SCFD2: variants seen among roughly 807,000 people sequenced by gnomAD.
SCFD2 encodes sec1 family domain containing 2.
In SCFD2, 54 loss-of-function variants were observed where a neutral mutation model predicts 58.9. The observed-to-expected ratio is 0.92, with a 90% CI of 0.74 to 1.15. The LOEUF is 1.15. SCFD2 is among the 50% of genes most tolerant of loss of function. The pLI is 0.00. For missense variants in SCFD2, 805 were observed against 836.6 expected (o/e 0.96, Z 0.47); for synonymous variants, 321 against 335.9 (o/e 0.96, Z 0.49).
intron 4 of SCFD2, among the ~76,000 whole-genome samples, chr4:53,257,058 A>G (rs936717166): frequency 5.3e-5 from 8 of 152,096 alleles, no homozygotes; most frequent in African/African-American, 1.9e-4. Flanking sequence ...CCATGACACG[A>G]GTTTCTCTAT....
In SCFD2 at chr4:53,266,821, G is replaced by T. The variant is rs1447224617; in HGVS notation, c.1311+7005C>A. The stretch of plus-strand genomic sequence containing the variant: ...ATAAGAGAGAGAAAAAAGGAGTCAT[G>T]AAGATGCTTTATCTCCTTCGGCTTT... On this transcript the variant is annotated intron_variant, in intron 4 of 8. Transcript: ENST00000401642. Among the ~76,000 whole-genome samples, 6 of 152,236 alleles carry T rather than the reference G, an allele frequency of 3.9e-5. No homozygotes were observed. The East Asian group carries it at 1.2e-3, about 29-fold the overall frequency.
In SCFD2 at chr4:53,284,156, A is replaced by G. The variant is rs115885178; in HGVS notation, c.1136-10155T>C. Among the ~76,000 whole-genome samples, 1,273 of 150,520 alleles carry G rather than the reference A, an allele frequency of 8.5e-3. 12 individuals carry two copies. The highest frequency in any genetic ancestry group is 0.03 in the African/African-American group (1,211 of 40,268). On this transcript the variant is annotated intron_variant, in intron 3 of 8. Transcript: ENST00000401642. Reference sequence around the variant, plus strand: ...AAAAATGCATGTAATGAAGCATTACATGCATAATGTAATGTATGATTGATA... The same window carrying G: ...AAAAATGCATGTAATGAAGCATTACGTGCATAATGTAATGTATGATTGATA...
At chr4:53,034,691 G>C (rs1270134547) in intron 5 of SCFD2, among the ~76,000 whole-genome samples, 6 of 152,112 alleles carry the variant, frequency 3.9e-5, no homozygotes, top group Non-Finnish European at 8.8e-5. Context: ...CAGACAAACA[G>C]AGAGCCAAAT....
chr4:52,885,191 G>A (rs2109446628), intron 8 of SCFD2, among the ~76,000 whole-genome samples: 1 of 152,238 alleles, frequency 6.6e-6, no homozygotes, highest in South Asian at 2.1e-4. Context: ...ACACTCCTCT[G>A]GCCCCGCCCT....
chr4:52,930,262 G>A (rs1236142718), intron 5 of SCFD2, among the ~76,000 whole-genome samples: 2 of 152,118 alleles, frequency 1.3e-5, no homozygotes, highest in African/African-American at 4.8e-5. Context: ...ATAGGGAAAG[G>A]ATTCCCTATT....
intron 8 of SCFD2, among the ~76,000 whole-genome samples, chr4:52,874,653 C>T (rs988540634): frequency 1.3e-5 from 2 of 152,158 alleles, no homozygotes; most frequent in African/African-American, 2.4e-5. Context: ...CTAAGGGCTG[C>T]GAGGGAATCT....
intron 5 of SCFD2, among the ~76,000 whole-genome samples, chr4:53,106,268 C>A (rs901659574): frequency 2.0e-5 from 3 of 152,174 alleles, no homozygotes; most frequent in Non-Finnish European, 4.4e-5. Flanking sequence ...TGAGGAAAAA[C>A]CAGCACAAAA....
At chr4:53,081,024 C>A (rs1027712081) in intron 5 of SCFD2, among the ~76,000 whole-genome samples, 13 of 152,226 alleles carry the variant, frequency 8.5e-5, no homozygotes, top group African/African-American at 2.6e-4. Flanking sequence ...ACTTCAAGAA[C>A]TATCCAGTAT....
chr4:53,090,008 A>G (rs1468918709), intron 5 of SCFD2, among the ~76,000 whole-genome samples: 2 of 152,206 alleles, frequency 1.3e-5, no homozygotes, highest in African/African-American at 2.4e-5. Flanking sequence ...GCTACAAAAG[A>G]CAGAACTTTG....
At chr4:53,339,625 C>G in intron 2 of SCFD2, among the ~76,000 whole-genome samples, 1 of 151,940 alleles carries the variant, frequency 6.6e-6, no homozygotes, top group East Asian at 1.9e-4. Context: ...TAAAAGTTAG[C>G]CAGGCATGGT....
At chr4:53,227,634 T>A (rs1256259644) in intron 4 of SCFD2, among the ~76,000 whole-genome samples, 1 of 152,188 alleles carries the variant, frequency 6.6e-6, no homozygotes, top group African/African-American at 2.4e-5. Context: ...CTGGGAAGTC[T>A]AAACCCTTTA....
chr4:52,973,836 C>T (rs889725794), intron 5 of SCFD2, among the ~76,000 whole-genome samples: 2 of 152,338 alleles, frequency 1.3e-5, no homozygotes, highest in South Asian at 4.2e-4. Flanking sequence ...AAGTGGGCTT[C>T]ATCCATGGGA....
chr4:52,954,092 C>G (rs920455452), intron 5 of SCFD2, among the ~76,000 whole-genome samples: 2 of 152,188 alleles, frequency 1.3e-5, no homozygotes, highest in Non-Finnish European at 2.9e-5. Context: ...TCACAGGCAG[C>G]ACAGGGAGCA....
chr4:53,342,383 G>A (rs1465822097), intron 2 of SCFD2, among the ~76,000 whole-genome samples: 1 of 152,048 alleles, frequency 6.6e-6, no homozygotes, highest in African/African-American at 2.4e-5. Context: ...AATGATAAAG[G>A]GATCAATGCA....
intron 4 of SCFD2, among the ~76,000 whole-genome samples, chr4:53,214,724 G>C (rs1028662501): frequency 3.3e-5 from 5 of 152,096 alleles, no homozygotes; most frequent in Admixed American, 6.6e-5. Context: ...TGAAGTCCTT[G>C]CCCATGCCTA....
chr4:52,907,715 T>C (rs1719382176), intron 6 of SCFD2, 124 bp from the exon 7 acceptor site: 2 of 647,366 alleles, frequency 3.1e-6, no homozygotes, highest in Non-Finnish European at 5.3e-6. Context: ...TATATGTGTG[T>C]GTGTGTGTGT....
At chr4:53,003,879 G>A (rs775824310) in intron 5 of SCFD2, among the ~76,000 whole-genome samples, 2 of 152,214 alleles carry the variant, frequency 1.3e-5, no homozygotes, top group African/African-American at 2.4e-5. Flanking sequence ...AGGCTGAAAT[G>A]TAGGGGAAGA....
At chr4:52,929,071 A>G (rs1182046042) in intron 5 of SCFD2, among the ~76,000 whole-genome samples, 3 of 152,190 alleles carry the variant, frequency 2.0e-5, no homozygotes, top group Admixed American at 2.0e-4. Flanking sequence ...GACCAACCTC[A>G]ATTGGCTGAT....
chr4:53,059,695 A>G (rs963752788), intron 5 of SCFD2, among the ~76,000 whole-genome samples: 3 of 151,876 alleles, frequency 2.0e-5, no homozygotes, highest in Non-Finnish European at 4.4e-5. Context: ...AAATACTTTA[A>G]TTAGTGCAAT....
Sources: allele counts gnomAD v4.1 joint callset (sites outside exome capture counted in the v4.1 genomes callset), GRCh38; gene constraint gnomAD v4.1.1; transcripts MANE v1.5; gene names NCBI Gene and HGNC (gene_info 2026-07-23, HGNC 2026-07-21).